The following YAP1 variants were observed in gnomAD, a reference collection of about 807,000 sequenced individuals.
The protein encoded by YAP1 is Yes1 associated transcriptional regulator.
A neutral mutation model predicts 56.9 loss-of-function variants in YAP1; 5 were observed. That is an observed-to-expected ratio of 0.09 (90% CI 0.05 to 0.18). The LOEUF is 0.18. YAP1 is among the 10% of genes least tolerant of loss of function. The probability of loss-of-function intolerance (pLI) is 1.00; values close to 1 mark genes in which losing one functional copy is unlikely to be tolerated. For synonymous variants in YAP1, 265 were observed against 248.1 expected (o/e 1.07, Z -0.64); for missense variants, 539 against 651.8 (o/e 0.83, Z 1.88).
intron 1 of YAP1, among the ~76,000 whole-genome samples, chr11:102,113,865 GTAC>G (rs1259485304): frequency 6.6e-6 from 1 of 152,088 alleles, no homozygotes; most frequent in Non-Finnish European, 1.5e-5. Flanking sequence ...TATTCATTCA[GTAC>G]TAGTTGCCCT....
chr11:102,212,788 T>C (rs1026417957), intron 6 of YAP1, among the ~76,000 whole-genome samples: 1 of 152,086 alleles, frequency 6.6e-6, no homozygotes, highest in African/African-American at 2.4e-5. Flanking sequence ...TCCATGTTGG[T>C]CAGCCTGGTC....
In YAP1 at chr11:102,214,492, ATTTT is replaced by A. The variant is rs562697403; in HGVS notation, c.1032+4932_1032+4935del. Among the ~76,000 whole-genome samples, 441 of 151,982 alleles carry A rather than the reference ATTTT, an allele frequency of 2.9e-3. 2 individuals carry two copies. Among genetic ancestry groups the A allele is most frequent in the African/African-American group, 0.01 (431 of 41,462 alleles). On this transcript the variant is annotated intron_variant, in intron 6 of 8. Transcript: ENST00000282441. ...TATATGAAAACAATTGCCAACAACC[ATTTT>A]TTTCCTGAATTTAGTAAAAGTAAAG...
intron 6 of YAP1, among the ~76,000 whole-genome samples, chr11:102,212,691 T>C (rs1949465733): frequency 6.6e-6 from 1 of 152,140 alleles, no homozygotes; most frequent in Non-Finnish European, 1.5e-5. Context: ...TTCAAATGAT[T>C]CTGCCTCAGC....
At chr11:102,154,617 C>T (rs550837529) in intron 2 of YAP1, among the ~76,000 whole-genome samples, 36 of 152,040 alleles carry the variant, frequency 2.4e-4, no homozygotes, top group African/African-American at 8.2e-4. Flanking sequence ...TGAAAGAATC[C>T]CACCACTCTT....
intron 6 of YAP1, among the ~76,000 whole-genome samples, chr11:102,221,914 A>T (rs1180875705): frequency 1.3e-5 from 2 of 152,168 alleles, no homozygotes; most frequent in Non-Finnish European, 2.9e-5. Context: ...TACATTGGAG[A>T]AAATGTTGAC....
intron 2 of YAP1, among the ~76,000 whole-genome samples, chr11:102,122,895 C>CAAAAGAAAAA (rs1943758946): frequency 1.3e-5 from 1 of 79,448 alleles, no homozygotes; most frequent in Non-Finnish European, 2.4e-5. Context: ...AGACTTCTCT[C>CAAAAGAAAAA]AAAAAAAAAA....
At chr11:102,204,873 A>G (rs1028692781) in intron 4 of YAP1, among the ~76,000 whole-genome samples, 5 of 152,078 alleles carry the variant, frequency 3.3e-5, no homozygotes, top group African/African-American at 9.7e-5. Context: ...GACTGGTATT[A>G]TTTCTTCCTT....
At chr11:102,114,025 G>A (rs1048919821) in intron 1 of YAP1, 119 bp from the exon 2 acceptor site, 4 of 1,033,486 alleles carry the variant, frequency 3.9e-6, no homozygotes, top group African/African-American at 1.6e-5. Flanking sequence ...AATATTAAAT[G>A]TTGAAATTTT....
At chr11:102,164,921 C>T (rs927595751) in intron 3 of YAP1, among the ~76,000 whole-genome samples, 1 of 152,118 alleles carries the variant, frequency 6.6e-6, no homozygotes, top group Admixed American at 6.6e-5. Flanking sequence ...GGGTTTTCTC[C>T]ATGTTGGTCA....
At chr11:102,138,791 G>A (rs1235234805) in intron 2 of YAP1, among the ~76,000 whole-genome samples, 1 of 152,150 alleles carries the variant, frequency 6.6e-6, no homozygotes, top group African/African-American at 2.4e-5. Flanking sequence ...AGTTATGTAC[G>A]TGTATGTGGG....
chr11:102,227,512 A>G lies in YAP1; in HGVS notation c.1207A>G (p.Ser403Gly). Residue 403 changes from serine (S) to glycine (G), a missense_variant, in exon 8 of 9, where the codon AGC becomes GGC. Around this residue, in one of 4 missense-constraint regions of YAP1, gnomAD observed 414 missense variants for 512.4 expected, o/e 0.81. Transcript: ENST00000282441. ...SRDESTDSGL[S>G]MSSYSVPRTP... ...AGATGAGAGTACAGACAGTGGACTAAGCATGAGCAGCTACAGTGTCCCTCG... is the reference window on the plus strand; with the variant it reads ...AGATGAGAGTACAGACAGTGGACTAGGCATGAGCAGCTACAGTGTCCCTCG... 1 of 1,614,052 alleles carries G rather than the reference A, an allele frequency of 6.2e-7. No individual in the cohort carries two copies. Among genetic ancestry groups the G allele is most frequent in the Non-Finnish European group, 8.5e-7 (1 of 1,179,976 alleles).
chr11:102,191,489 T>C (rs1948278371), intron 4 of YAP1, among the ~76,000 whole-genome samples: 1 of 152,170 alleles, frequency 6.6e-6, no homozygotes, highest in East Asian at 1.9e-4. Flanking sequence ...ATTTGATCTT[T>C]TGATACCTAG....
At chr11:102,193,847 T>G (rs1374825847) in intron 4 of YAP1, among the ~76,000 whole-genome samples, 9 of 151,758 alleles carry the variant, frequency 5.9e-5, no homozygotes, top group Middle Eastern at 3.4e-3. Context: ...ATTTTTGTTT[T>G]TTTTTTTTTG....
At chr11:102,127,710 A>G (rs1284584255) in intron 2 of YAP1, among the ~76,000 whole-genome samples, 1 of 152,256 alleles carries the variant, frequency 6.6e-6, no homozygotes, top group East Asian at 1.9e-4. Context: ...AGACCCCAGA[A>G]TGGTAGATCC....
At chr11:102,228,086 A>G (rs1432833611) in intron 8 of YAP1, among the ~76,000 whole-genome samples, 2 of 151,860 alleles carry the variant, frequency 1.3e-5, no homozygotes, top group Non-Finnish European at 2.9e-5. Context: ...TGGATATATT[A>G]GCTCTATTTG....
intron 4 of YAP1, among the ~76,000 whole-genome samples, chr11:102,201,048 C>T (rs1948828118): frequency 6.6e-6 from 1 of 152,176 alleles, no homozygotes; most frequent in Non-Finnish European, 1.5e-5. Context: ...ATGCTTTCAA[C>T]ATTCAACTAA....
chr11:102,165,398 A>G (rs1432603860), intron 3 of YAP1, among the ~76,000 whole-genome samples: 1 of 152,180 alleles, frequency 6.6e-6, no homozygotes, highest in African/African-American at 2.4e-5. Context: ...TTTGTAAAAT[A>G]TGAAATGTTT....
chr11:102,224,402 A>G lies in YAP1; in HGVS notation c.1163+650A>G, dbSNP rs25450. 3.5e-3 allele frequency among the ~76,000 whole-genome samples: 538 copies of G among 152,348 alleles called. 10 individuals are homozygous for G. Among genetic ancestry groups the G allele is most frequent in the Non-Finnish European group, 4.8e-3 (324 of 68,036 alleles). ...AACAGGTCATATTCTTTGCCTAGGAAGTCATTTAAGATTAAGATTTAACTA... is the reference window on the plus strand; with the variant it reads ...AACAGGTCATATTCTTTGCCTAGGAGGTCATTTAAGATTAAGATTTAACTA... On this transcript the variant is annotated intron_variant, in intron 7 of 8. Coordinates refer to ENST00000282441, the MANE Select transcript of YAP1 (RefSeq NM_001130145.3).
chr11:102,165,810 A>T (rs1252668544), intron 3 of YAP1, among the ~76,000 whole-genome samples: 1 of 152,226 alleles, frequency 6.6e-6, no homozygotes, highest in East Asian at 1.9e-4. Flanking sequence ...GAAGCCTCCG[A>T]TAAAGCAGAA....
Sources: allele counts gnomAD v4.1 joint callset (sites outside exome capture counted in the v4.1 genomes callset), GRCh38; gene constraint gnomAD v4.1.1; regional missense constraint gnomAD v4.1.1; transcripts MANE v1.5; gene names NCBI Gene and HGNC (gene_info 2026-07-23, HGNC 2026-07-21).